The following PAN3 variants were observed in gnomAD, a reference collection of about 807,000 sequenced individuals.
The protein encoded by PAN3 is PAN2-PAN3 deadenylation complex subunit PAN3.
In PAN3, 19 loss-of-function variants were observed where a neutral mutation model predicts 96.2. The ratio of observed to expected loss-of-function variants is 0.20; its 90% CI spans 0.14 to 0.29. The LOEUF (loss-of-function observed/expected upper bound fraction) is 0.29, where lower values mean the gene tolerates loss of function less well. Among genes scored for constraint, PAN3 ranks in the 10% least tolerant of loss-of-function variants. The probability of loss-of-function intolerance (pLI) is 1.00; values close to 1 mark genes in which losing one functional copy is unlikely to be tolerated. For synonymous variants in PAN3, 433 were observed against 406.6 expected, an observed-to-expected ratio of 1.06 and a Z score of -0.78; for missense variants, 882 against 1,108.1, an observed-to-expected ratio of 0.80 and a Z score of 2.90.
intron 12 of PAN3, 26 bp from the exon 13 acceptor site, chr13:28,270,675 A>G (rs750858201): frequency 1.3e-6 from 2 of 1,595,272 alleles, no homozygotes; most frequent in East Asian, 2.2e-5. Flanking sequence ...TTAAGATGTC[A>G]TTTTTTGGAT....
At chr13:28,270,980 C>A in intron 13 of PAN3, 114 bp downstream of exon 13, 1 of 1,034,880 alleles carries the variant, frequency 9.7e-7, no homozygotes, top group Non-Finnish European at 1.4e-6. Flanking sequence ...TCCAGAAGAA[C>A]TTCTGTAACT....
At chr13:28,256,964 A>C (rs915782843) in intron 7 of PAN3, among the ~76,000 whole-genome samples, 2 of 152,152 alleles carry the variant, frequency 1.3e-5, no homozygotes, top group African/African-American at 4.8e-5. Flanking sequence ...ATTTCAGATG[A>C]GGTAGTTATT....
intron 5 of PAN3, among the ~76,000 whole-genome samples, chr13:28,217,609 T>A (rs1470482347): frequency 6.7e-6 from 1 of 148,862 alleles, no homozygotes; most frequent in Non-Finnish European, 1.5e-5. Context: ...AAAAAAAAAA[T>A]TGTGGGGTAA....
intron 1 of PAN3, among the ~76,000 whole-genome samples, chr13:28,172,150 A>T (rs1275883354): frequency 6.6e-6 from 1 of 152,190 alleles, no homozygotes; most frequent in Admixed American, 6.5e-5. Context: ...GCAGTGTCAC[A>T]GACACATACA....
At chr13:28,211,589 C>G (rs1379477718) in intron 5 of PAN3, among the ~76,000 whole-genome samples, 2 of 152,170 alleles carry the variant, frequency 1.3e-5, no homozygotes, top group Non-Finnish European at 2.9e-5. Context: ...TCGCCTCTCT[C>G]CTAGTGGGTG....
Position 28,220,516 on chromosome 13 carries a change from G to T in PAN3, c.1000+138G>T, listed in dbSNP as rs940263027. On this transcript the variant is annotated intron_variant, in intron 6 of 18. Coordinates refer to ENST00000380958, the MANE Select transcript of PAN3 (RefSeq NM_175854.8). ...TAAGAGCTTTATGTTCTAGTTTTTG[G>T]TACCATAGGCCAAATGTGTAGTTGA... 8.5e-6 allele frequency: 9 copies of T among 1,052,960 alleles called. No homozygotes were observed. The South Asian group carries it at 1.2e-4, about 14-fold the overall frequency. The allele number at this position is 1,052,960 out of a possible 1,614,324, so 65.2% of individuals were successfully genotyped here.
intron 6 of PAN3, among the ~76,000 whole-genome samples, chr13:28,252,714 T>G (rs1884834990): frequency 6.6e-6 from 1 of 152,138 alleles, no homozygotes; most frequent in Non-Finnish European, 1.5e-5. Flanking sequence ...GAAGTTACAG[T>G]GTAATTATTG....
chr13:28,214,646 G>C (rs1426290800), intron 5 of PAN3: 2 of 426,478 alleles, frequency 4.7e-6, no homozygotes, highest in East Asian at 1.1e-4. Context: ...ATTGGAAAAG[G>C]AGGCTGCTGA....
intron 5 of PAN3, among the ~76,000 whole-genome samples, chr13:28,207,064 AAAAAAT>A (rs1427832670): frequency 6.6e-6 from 1 of 152,210 alleles, no homozygotes; most frequent in African/African-American, 2.4e-5. Flanking sequence ...GGGTTCCTGT[AAAAAAT>A]AAAAATAAAT....
At chr13:28,195,119 C>CT (rs1336238842) in intron 4 of PAN3, among the ~76,000 whole-genome samples, 30 of 152,100 alleles carry the variant, frequency 2.0e-4, no homozygotes, top group African/African-American at 6.8e-4. Flanking sequence ...TCATAAAACT[C>CT]TGTTCGTTAG....
intron 6 of PAN3, among the ~76,000 whole-genome samples, chr13:28,238,809 C>T (rs1054323200): frequency 1.1e-4 from 16 of 151,448 alleles, no homozygotes; most frequent in Admixed American, 7.9e-4. Flanking sequence ...CCTTTTTTTT[C>T]ATAATAGTGT....
At chr13:28,225,768 A>T (rs537408954) in intron 6 of PAN3, among the ~76,000 whole-genome samples, 1 of 152,156 alleles carries the variant, frequency 6.6e-6, no homozygotes, top group African/African-American at 2.4e-5. Flanking sequence ...AAACTTTCCT[A>T]TATGATAGTT....
At chr13:28,206,264 T>A (rs193189807) in intron 5 of PAN3, among the ~76,000 whole-genome samples, 268 of 152,122 alleles carry the variant, frequency 1.8e-3, no homozygotes, top group African/African-American at 6.1e-3. Flanking sequence ...TATTTTCCCT[T>A]TCCTTTTCAC....
intron 4 of PAN3, among the ~76,000 whole-genome samples, chr13:28,194,466 A>ATATTTT (rs1429166016): frequency 2.5e-5 from 3 of 122,134 alleles, no homozygotes; most frequent in African/African-American, 3.6e-5. Flanking sequence ...ATATATATAT[A>ATATTTT]TTTTTTTTTT....
chr13:28,138,200 G>T (rs971156228), upstream of PAN3: 2 of 152,236 alleles, frequency 1.3e-5, no homozygotes, highest in African/African-American at 4.8e-5. Flanking sequence ...CACGCGCAGC[G>T]GCGACGGCCG....
chr13:28,281,984 T>TGA lies in PAN3; in HGVS notation c.2384+606_2384+607insAG, dbSNP rs1158382664. The stretch of plus-strand genomic sequence containing the variant: ...TAGGGTTTCACCATGTTGGCCAGGG[T>TGA]GGTCTGGTCTTGAACTCCTGACTTC... On this transcript the variant is annotated intron_variant, in intron 17 of 18. Transcript: ENST00000380958. Among the ~76,000 whole-genome samples, 4 of 152,218 alleles carry TGA rather than the reference T, an allele frequency of 2.6e-5. No homozygotes were observed. The East Asian group carries it at 7.7e-4, about 29-fold the overall frequency.
chr13:28,197,584 G>GT lies in PAN3; in HGVS notation c.852+244dup, dbSNP rs1054698423. On this transcript the variant is annotated intron_variant, in intron 5 of 18. Transcript: ENST00000380958. ...TTTTACTTTTGTTTGTTTGTTTTTT[G>GT]TTTTTTCAGACAGAGTCTCACTCTG... Among the ~76,000 whole-genome samples the GT allele has an allele frequency of 5.9e-5, 9 of 151,618 alleles. No individual in the cohort carries two copies. The South Asian group carries it at 6.3e-4, about 11-fold the overall frequency.
intron 5 of PAN3, among the ~76,000 whole-genome samples, chr13:28,199,127 C>T (rs185910106): frequency 1.8e-3 from 277 of 151,900 alleles, no homozygotes; most frequent in African/African-American, 6.3e-3. Flanking sequence ...GTTTTTGATA[C>T]GGGTTGTTAC....
At chr13:28,202,158 T>C (rs1334296736) in intron 5 of PAN3, among the ~76,000 whole-genome samples, 1 of 152,154 alleles carries the variant, frequency 6.6e-6, no homozygotes, top group African/African-American at 2.4e-5. Context: ...TATTGGACAG[T>C]GTACATTATA....
Sources: allele counts gnomAD v4.1 joint callset (sites outside exome capture counted in the v4.1 genomes callset), GRCh38; gene constraint gnomAD v4.1.1; transcripts MANE v1.5; gene names NCBI Gene and HGNC (gene_info 2026-07-23, HGNC 2026-07-21).